TGFA: variants seen among roughly 807,000 people sequenced by gnomAD.
TGFA encodes the protein transforming growth factor alpha, also known as protransforming growth factor alpha.
TGFA carries 12 observed loss-of-function variants against 21.7 expected under a neutral mutation model. That is an observed-to-expected ratio of 0.55 (90% CI 0.35 to 0.90). The LOEUF (loss-of-function observed/expected upper bound fraction) is 0.90, where lower values mean the gene tolerates loss of function less well. Among genes scored for constraint, TGFA ranks in the 40% least tolerant of loss-of-function variants. The pLI is 0.01. For synonymous variants in TGFA, 79 were observed against 88.1 expected (o/e 0.90, Z 0.58); for missense variants, 178 against 210.8 (o/e 0.84, Z 0.96).
Position 70,449,010 on chromosome 2 carries a change from A to T in TGFA, c.*1849T>A, listed in dbSNP as rs1412059252. On this transcript the variant is annotated 3_prime_UTR_variant, in exon 6 of 6. Coordinates refer to ENST00000295400, the MANE Select transcript of TGFA (RefSeq NM_003236.4). ...GGATGCTACAGTCAAGCCTCAACCC[A>T]CATATCTGGCCCAAGGGATGTAAAC... is the stretch of plus-strand genomic sequence containing the variant. 6.6e-6 allele frequency: 1 copy of T among 151,984 alleles called. No individual in the cohort carries two copies. Among genetic ancestry groups the T allele is most frequent in the South Asian group, 2.1e-4 (1 of 4,828 alleles). The allele number at this position is 151,984 out of a possible 1,614,324, so 9.4% of individuals were successfully genotyped here.
chr2:70,508,132 G>A (rs1226827964), intron 2 of TGFA, among the ~76,000 whole-genome samples: 2 of 152,186 alleles, frequency 1.3e-5, no homozygotes, highest in Non-Finnish European at 2.9e-5. Flanking sequence ...GCTAAGTTAG[G>A]GTGGATAAGA....
chr2:70,545,271 A>T (rs1673263232), intron 1 of TGFA, among the ~76,000 whole-genome samples: 1 of 146,366 alleles, frequency 6.8e-6, no homozygotes, highest in South Asian at 2.1e-4. Flanking sequence ...GAAGAAAAAG[A>T]AGAAGAAGAA....
At chr2:70,529,640 G>C (rs1393079596) in intron 1 of TGFA, among the ~76,000 whole-genome samples, 1 of 152,136 alleles carries the variant, frequency 6.6e-6, no homozygotes, top group Admixed American at 6.5e-5. Flanking sequence ...GCTGGGGGAG[G>C]GCACACCGGG....
At chr2:70,507,667 T>G (rs533630848) in intron 2 of TGFA, among the ~76,000 whole-genome samples, 1 of 152,360 alleles carries the variant, frequency 6.6e-6, no homozygotes, top group African/African-American at 2.4e-5. Context: ...AAGTTTTCAC[T>G]TACTAATACT....
At chr2:70,466,879 G>T (rs1553492373) in intron 2 of TGFA, among the ~76,000 whole-genome samples, 1 of 152,168 alleles carries the variant, frequency 6.6e-6, no homozygotes, top group Admixed American at 6.5e-5. Context: ...CATGTCCTTT[G>T]CAGGGACATG....
chr2:70,533,870 A>AT (rs34113383), intron 1 of TGFA, among the ~76,000 whole-genome samples: 15,154 of 149,116 alleles, frequency 0.1, 833 homozygotes, highest in South Asian at 0.19. Flanking sequence ...TAAAATCCAC[A>AT]TTTTTTTTTT....
At chr2:70,464,588 T>C (rs548341891) in intron 3 of TGFA, among the ~76,000 whole-genome samples, 3 of 152,282 alleles carry the variant, frequency 2.0e-5, no homozygotes, top group South Asian at 2.1e-4. Flanking sequence ...CTTCCTTCAG[T>C]ATACAGGTCA....
At chr2:70,546,834 T>G (rs1553505976) in intron 1 of TGFA, among the ~76,000 whole-genome samples, 1 of 152,074 alleles carries the variant, frequency 6.6e-6, no homozygotes, top group Admixed American at 6.5e-5. Flanking sequence ...GGATTACAGG[T>G]GTGAGCCACC....
intron 2 of TGFA, among the ~76,000 whole-genome samples, chr2:70,491,526 A>T (rs1444702383): frequency 1.3e-5 from 2 of 152,312 alleles, no homozygotes; most frequent in South Asian, 4.1e-4. Flanking sequence ...GGCCTATATG[A>T]AACTTGGTTT....
rs1553490480 is a variant in TGFA, at chr2:70,456,261, G to A, written c.365+78C>T. Reference sequence around the variant, plus strand: ...AAATAAGCTGTGCTGAGGTGGCCCTGTTATCTGGATATACTGCGGATGTCC... The same window carrying A: ...AAATAAGCTGTGCTGAGGTGGCCCTATTATCTGGATATACTGCGGATGTCC... On this transcript the variant is annotated intron_variant, in intron 4 of 5. Transcript: ENST00000295400. 60 of 1,478,298 alleles carry A rather than the reference G, an allele frequency of 4.1e-5. No homozygotes were observed. The South Asian group carries it at 7.8e-4, about 19-fold the overall frequency. The allele number at this position is 1,478,298 out of a possible 1,614,324, so 91.6% of individuals were successfully genotyped here. A position where few individuals can be genotyped will look rare whatever the true frequency, so the allele number is the denominator to read the frequency against.
chr2:70,460,864 C>T (rs1245492156), intron 3 of TGFA, among the ~76,000 whole-genome samples: 1 of 152,218 alleles, frequency 6.6e-6, no homozygotes, highest in East Asian at 1.9e-4. Context: ...TAGAACTTCC[C>T]GTGATCATGA....
intron 1 of TGFA, among the ~76,000 whole-genome samples, chr2:70,551,279 G>A (rs1218560326): frequency 6.6e-6 from 1 of 152,174 alleles, no homozygotes; most frequent in African/African-American, 2.4e-5. Context: ...AAGCCCCCGT[G>A]CGGTCTGCCT....
At chr2:70,478,251 A>G (rs983325526) in intron 2 of TGFA, among the ~76,000 whole-genome samples, 1 of 152,294 alleles carries the variant, frequency 6.6e-6, no homozygotes, top group African/African-American at 2.4e-5. Context: ...ACTCTATAAA[A>G]CAAAATATAA....
At chr2:70,482,217 T>C (rs1258628888) in intron 2 of TGFA, among the ~76,000 whole-genome samples, 2 of 152,188 alleles carry the variant, frequency 1.3e-5, no homozygotes, top group African/African-American at 4.8e-5. Context: ...TTGGCCTTTG[T>C]GCTAACAGTT....
intron 1 of TGFA, 123 bp downstream of exon 1, chr2:70,553,605 G>C: frequency 3.8e-6 from 5 of 1,316,478 alleles, no homozygotes; most frequent in South Asian, 2.3e-5. Flanking sequence ...AACCCATTGA[G>C]ACTACTCGCT....
intron 3 of TGFA, among the ~76,000 whole-genome samples, chr2:70,463,521 C>T (rs1383319372): frequency 2.6e-5 from 4 of 152,132 alleles, no homozygotes; most frequent in African/African-American, 9.7e-5. Context: ...CTTGGCTTGC[C>T]TGGCTGCCAG....
At chr2:70,467,966 T>C (rs1643421234) in intron 2 of TGFA, among the ~76,000 whole-genome samples, 1 of 152,180 alleles carries the variant, frequency 6.6e-6, no homozygotes. Context: ...GCAGCTGGCC[T>C]CTCCTAGCCT....
intron 1 of TGFA, among the ~76,000 whole-genome samples, chr2:70,519,931 G>A: frequency 6.6e-6 from 1 of 152,202 alleles, no homozygotes; most frequent in East Asian, 1.9e-4. Context: ...TCCTGGCTCT[G>A]CCACTCCTTC....
chr2:70,543,058 G>A (rs1214032376), intron 1 of TGFA, among the ~76,000 whole-genome samples: 1 of 151,840 alleles, frequency 6.6e-6, no homozygotes, highest in African/African-American at 2.4e-5. Context: ...AGCCAAGATT[G>A]CGCCATTGCA....
Sources: allele counts gnomAD v4.1 joint callset (sites outside exome capture counted in the v4.1 genomes callset), GRCh38; gene constraint gnomAD v4.1.1; transcripts MANE v1.5; gene names NCBI Gene and HGNC (gene_info 2026-07-23, HGNC 2026-07-21).